The following TSHR variants were observed in gnomAD, a reference collection of about 807,000 sequenced individuals.
TSHR encodes the protein thyrotropin receptor.
A neutral mutation model predicts 64.1 loss-of-function variants in TSHR; 51 were observed. The ratio of observed to expected loss-of-function variants is 0.80; its 90% CI spans 0.64 to 1.01. The LOEUF (loss-of-function observed/expected upper bound fraction) is 1.01, where lower values mean the gene tolerates loss of function less well. TSHR is among the 50% of genes least tolerant of loss of function. TSHR has a pLI of 0.00. For synonymous variants in TSHR, 361 were observed against 361.9 expected (o/e 1.00, Z 0.03); for missense variants, 877 against 942.8 (o/e 0.93, Z 0.91).
At chr14:80,955,990 G>A in intron 1 of TSHR, 140 bp downstream of exon 1, 1 of 1,016,976 alleles carries the variant, frequency 9.8e-7, no homozygotes, top group South Asian at 1.4e-5. Context: ...GTCTGTGTGT[G>A]TAGATGTGTG....
intron 8 of TSHR, among the ~76,000 whole-genome samples, chr14:81,120,195 A>G (rs557243367): frequency 6.6e-6 from 1 of 152,106 alleles, no homozygotes; most frequent in Admixed American, 6.5e-5. Context: ...AAAAAATAAA[A>G]AAATAAAAAA....
At chr14:81,008,204 G>C (rs1414766856) in intron 1 of TSHR, among the ~76,000 whole-genome samples, 1 of 144,316 alleles carries the variant, frequency 6.9e-6, no homozygotes, top group Non-Finnish European at 1.5e-5. Flanking sequence ...ATGGAGTCTC[G>C]CTCTGTCACC....
At chr14:81,122,020 CTTTTTTTTTTTTTTTTTTTTTT>C (rs1161879777) in intron 8 of TSHR, among the ~76,000 whole-genome samples, 38 of 44,904 alleles carry the variant, frequency 8.5e-4, no homozygotes, top group Admixed American at 3.0e-3. Context: ...TTTTCTTTTC[CTTTTTTTTTTTTTTTTTTTTTT>C]TTTTTTTTTT....
chr14:80,998,160 T>A (rs1026555038), intron 1 of TSHR, among the ~76,000 whole-genome samples: 35 of 152,202 alleles, frequency 2.3e-4, no homozygotes, highest in African/African-American at 7.0e-4. Context: ...AAAAATTTCT[T>A]TCTGAAATTT....
In TSHR at chr14:81,143,507, C is replaced by A. The variant is rs2140111192; in HGVS notation, c.1449C>A (p.Asn483Lys). The A allele has an allele frequency of 6.2e-7, 1 of 1,613,888 alleles. No homozygotes were observed. The highest frequency in any genetic ancestry group is 8.5e-7 in the Non-Finnish European group (1 of 1,180,048). The change falls in exon 10 of 10, where the codon AAC becomes AAA. Residue 483 changes from asparagine (N) to lysine (K), a missense_variant. Asn to Lys is a moderately conservative substitution (Grantham distance 94). Coordinates refer to ENST00000298171, the MANE Select transcript of TSHR (RefSeq NM_000369.5). ...VDLYTHSEYY[N>K]HAIDWQTGPG... ...TCTACACTCACTCTGAGTACTACAACCATGCCATCGACTGGCAGACAGGCC... is the reference window on the plus strand; with the variant it reads ...TCTACACTCACTCTGAGTACTACAAACATGCCATCGACTGGCAGACAGGCC...
At chr14:81,102,138 C>T (rs1284276108) in intron 7 of TSHR, among the ~76,000 whole-genome samples, 1 of 150,098 alleles carries the variant, frequency 6.7e-6, no homozygotes, top group Non-Finnish European at 1.5e-5. Context: ...CACCACTGCA[C>T]TCCAGCCTGG....
intron 8 of TSHR, among the ~76,000 whole-genome samples, chr14:81,122,651 T>C (rs56306987): frequency 0.31 from 46,487 of 151,812 alleles, 8,012 homozygotes; most frequent in East Asian, 0.53. Context: ...AGTAGAGAGT[T>C]AGCGGATAAA....
chr14:81,014,017 A>G (rs1354712683), intron 1 of TSHR: 1 of 152,242 alleles, frequency 6.6e-6, no homozygotes, highest in Non-Finnish European at 1.5e-5. Flanking sequence ...CCTATGAGAT[A>G]TGGGTCTATA....
chr14:81,142,505 G>A (rs1164312642), intron 9 of TSHR, among the ~76,000 whole-genome samples: 1 of 152,030 alleles, frequency 6.6e-6, no homozygotes, highest in African/African-American at 2.4e-5. Context: ...AAACAGGCCT[G>A]CCTGGATCCT....
chr14:81,143,401 T>A lies in TSHR; in HGVS notation c.1343T>A (p.Val448Asp). The change falls in exon 10 of 10, where the codon GTC becomes GAC. Residue 448 changes from valine (V) to aspartate (D), a missense_variant. Transcript: ENST00000298171. ...CTCACCAGCCACTACAAACTGAACG[T>A]CCCCCGCTTTCTCATGTGCAACCTG... ...ILLTSHYKLN[V>D]PRFLMCNLAF... The A allele has an allele frequency of 6.2e-7, 1 of 1,614,130 alleles. No homozygotes were observed. The highest frequency in any genetic ancestry group is 8.5e-7 in the Non-Finnish European group (1 of 1,180,028).
intron 1 of TSHR, chr14:80,993,927 C>A (rs960006378): frequency 6.6e-6 from 1 of 152,056 alleles, no homozygotes; most frequent in African/African-American, 2.4e-5. Flanking sequence ...CACAGGTCCA[C>A]TTATATGAGG....
chr14:81,106,141 T>C (rs973137365), intron 7 of TSHR, among the ~76,000 whole-genome samples: 4 of 152,204 alleles, frequency 2.6e-5, no homozygotes, highest in Non-Finnish European at 5.9e-5. Flanking sequence ...TTGAGATTTA[T>C]TGACTCTCCC....
At chr14:81,083,757 G>C (rs1418942792) in intron 3 of TSHR, among the ~76,000 whole-genome samples, 1 of 152,186 alleles carries the variant, frequency 6.6e-6, no homozygotes, top group Non-Finnish European at 1.5e-5. Context: ...AGAAATACCT[G>C]AGACTGGGTA....
chr14:80,988,772 A>G (rs1029659387), intron 1 of TSHR, among the ~76,000 whole-genome samples: 1 of 152,136 alleles, frequency 6.6e-6, no homozygotes, highest in Non-Finnish European at 1.5e-5. Flanking sequence ...AACATCCTTT[A>G]TGCTGATTGT....
intron 1 of TSHR, among the ~76,000 whole-genome samples, chr14:80,989,431 T>G (rs1888621810): frequency 6.6e-6 from 1 of 152,208 alleles, no homozygotes; most frequent in South Asian, 2.1e-4. Context: ...ATCTTCCATT[T>G]CTGATTTACC....
intron 8 of TSHR, among the ~76,000 whole-genome samples, chr14:81,123,496 AT>A (rs1278598340): frequency 6.6e-6 from 1 of 152,216 alleles, no homozygotes; most frequent in Non-Finnish European, 1.5e-5. Flanking sequence ...CTCAATAAAT[AT>A]TGGATGAATT....
chr14:81,009,117 A>C (rs1336004027), intron 1 of TSHR, among the ~76,000 whole-genome samples: 1 of 152,340 alleles, frequency 6.6e-6, no homozygotes, highest in African/African-American at 2.4e-5. Flanking sequence ...TAATAACTTC[A>C]GCTAAAAATA....
intron 2 of TSHR, among the ~76,000 whole-genome samples, chr14:81,062,469 C>G (rs537909836): frequency 6.6e-6 from 1 of 151,936 alleles, no homozygotes; most frequent in South Asian, 2.1e-4. Flanking sequence ...TCATAATTCT[C>G]GATGTATTTT....
At chr14:81,005,844 C>A (rs1490432558) in intron 1 of TSHR, among the ~76,000 whole-genome samples, 1 of 152,190 alleles carries the variant, frequency 6.6e-6, no homozygotes, top group Non-Finnish European at 1.5e-5. Flanking sequence ...TAGCGATGGG[C>A]CTTGAACAAA....
Sources: gnomAD v4.1 joint callset for allele counts (sites outside exome capture counted in the v4.1 genomes callset) on GRCh38, gnomAD v4.1.1 for gene constraint, MANE v1.5 for transcripts, NCBI Gene and HGNC (gene_info 2026-07-23, HGNC 2026-07-21) for gene names.